The following SLC26A8 variants were observed in gnomAD, a reference collection of about 807,000 sequenced individuals.
SLC26A8 encodes the protein testis anion transporter 1.
In SLC26A8, 70 loss-of-function variants were observed where a neutral mutation model predicts 105.0. The ratio of observed to expected loss-of-function variants is 0.67; its 90% CI spans 0.55 to 0.81. SLC26A8 has a LOEUF of 0.81. Among genes scored for constraint, SLC26A8 ranks in the 40% least tolerant of loss-of-function variants. The pLI is 0.00. For synonymous variants in SLC26A8, 415 were observed against 438.3 expected, an observed-to-expected ratio of 0.95 and a Z score of 0.66; for missense variants, 998 against 1,181.8, an observed-to-expected ratio of 0.84 and a Z score of 2.28.
intron 5 of SLC26A8, among the ~76,000 whole-genome samples, chr6:35,994,550 A>T (rs1480142106): frequency 7.0e-6 from 1 of 142,802 alleles, no homozygotes; most frequent in Non-Finnish European, 1.5e-5. Flanking sequence ...TCTTTTTTCC[A>T]TCTCTGCCAA....
At chr6:35,944,374 T>C in intron 19 of SLC26A8, 34 bp from the exon 20 acceptor site, 1 of 1,486,866 alleles carries the variant, frequency 6.7e-7, no homozygotes, top group Non-Finnish European at 9.3e-7. Flanking sequence ...AAATTTCTAA[T>C]TAAATTTAAC....
chr6:36,017,001 G>A lies in SLC26A8; in HGVS notation c.188+2519C>T, dbSNP rs1056793681. Among the ~76,000 whole-genome samples, 5 of 151,958 alleles carry A rather than the reference G, an allele frequency of 3.3e-5. No homozygotes were observed. In the South Asian group the frequency reaches 1.0e-3, roughly 32 times the overall value. On this transcript the variant is annotated intron_variant, in intron 2 of 19. Coordinates refer to ENST00000490799, the MANE Select transcript of SLC26A8 (RefSeq NM_052961.4). ...AGCCTGACCAATTTGATGAAACCCC[G>A]TCTCTACTAAAAATGCAAAAATTAG...
At chr6:36,011,592 A>T (rs145467525) in intron 3 of SLC26A8, among the ~76,000 whole-genome samples, 9 of 152,198 alleles carry the variant, frequency 5.9e-5, no homozygotes, top group African/African-American at 2.2e-4. Context: ...CTGGCATGCT[A>T]TGTTTCCTAT....
chr6:35,961,304 C>T (rs748600525), intron 12 of SLC26A8, among the ~76,000 whole-genome samples: 3 of 152,090 alleles, frequency 2.0e-5, no homozygotes, highest in Non-Finnish European at 2.9e-5. Context: ...CATCCCTGGT[C>T]GCCTCTGTCT....
intron 17 of SLC26A8, 122 bp from the exon 18 acceptor site, chr6:35,951,621 C>T (rs1285647475): frequency 7.2e-6 from 7 of 978,046 alleles, no homozygotes; most frequent in South Asian, 1.4e-5. Flanking sequence ...ACTCTGTCAC[C>T]CAGATGGAGT....
At chr6:35,956,622 T>C (rs1772072288) in intron 16 of SLC26A8, among the ~76,000 whole-genome samples, 3 of 151,738 alleles carry the variant, frequency 2.0e-5, no homozygotes, top group Admixed American at 1.3e-4. Flanking sequence ...CACACGTTCA[T>C]TGAAGGGATA....
chr6:35,985,225 A>G (rs1773448146), intron 7 of SLC26A8, among the ~76,000 whole-genome samples: 1 of 152,142 alleles, frequency 6.6e-6, no homozygotes, highest in South Asian at 2.1e-4. Context: ...TCCCTAATGT[A>G]TAAAAGCAAG....
intron 7 of SLC26A8, among the ~76,000 whole-genome samples, chr6:35,987,623 G>A (rs955632157): frequency 1.3e-5 from 2 of 151,950 alleles, no homozygotes; most frequent in Admixed American, 6.6e-5. Context: ...CACCTGTCTC[G>A]GCCTCCCAAA....
chr6:35,967,871 T>A (rs561467176), intron 11 of SLC26A8, among the ~76,000 whole-genome samples: 3 of 152,310 alleles, frequency 2.0e-5, no homozygotes, highest in African/African-American at 7.2e-5. Context: ...TTATTTATTT[T>A]TTGAAACAGT....
chr6:35,955,452 G>T lies in SLC26A8; in HGVS notation c.1932C>A (p.Cys644Ter), dbSNP rs1265295988. ...PEASSINLIH[C>*]SHFESMNTSQ... Reference sequence around the variant, plus strand: ...TTGTGTTCATGCTCTCAAAATGTGAGCAGTGAATCAGGTTAATGGAGGATG... The same window carrying T: ...TTGTGTTCATGCTCTCAAAATGTGATCAGTGAATCAGGTTAATGGAGGATG... Residue 644 changes from cysteine to a stop codon, truncating the protein, a stop_gained, in exon 17 of 20, where the codon TGC becomes TGA. Transcript: ENST00000490799. LOFTEE classifies it high-confidence loss of function. 1 of 1,614,046 alleles carries T rather than the reference G, an allele frequency of 6.2e-7. No homozygotes were observed. The highest frequency in any genetic ancestry group is 1.7e-5 in the Admixed American group (1 of 59,998).
chr6:35,945,158 T>C (rs1021287721), intron 19 of SLC26A8, among the ~76,000 whole-genome samples: 2 of 152,192 alleles, frequency 1.3e-5, no homozygotes, highest in African/African-American at 4.8e-5. Context: ...CCTTTATTTA[T>C]TTTTCATTAA....
chr6:35,990,205 G>A, intron 7 of SLC26A8: 1 of 163,188 alleles, frequency 6.1e-6, no homozygotes, highest in Non-Finnish European at 1.3e-5. Context: ...CTAAAGTGCT[G>A]GGATTACAGG....
chr6:35,997,421 G>C (rs542140199), intron 5 of SLC26A8, among the ~76,000 whole-genome samples: 1 of 152,242 alleles, frequency 6.6e-6, no homozygotes, highest in South Asian at 2.1e-4. Flanking sequence ...GTCTTCTTTT[G>C]CAACTGGTCC....
intron 11 of SLC26A8, among the ~76,000 whole-genome samples, chr6:35,965,404 C>A (rs1264766887): frequency 6.6e-6 from 1 of 151,986 alleles, no homozygotes; most frequent in Non-Finnish European, 1.5e-5. Context: ...CCTGGCTGGG[C>A]GTGGTGGCTC....
rs956133072 is a variant in SLC26A8, at chr6:35,977,290, A to G, written c.1087T>C (p.Ser363Pro). 58 of 1,613,992 alleles carry G rather than the reference A, an allele frequency of 3.6e-5. No homozygotes were observed. The highest frequency in any genetic ancestry group is 4.5e-5 in the Non-Finnish European group (53 of 1,180,000). ...LLPKIILQAF[S>P]LSLVSSFLLI... ...AGAAAGGAGCTCACCAAAGATAAGG[A>G]GAAGGCTTGTAAAATTATCTTGGGA... The change falls in exon 9 of 20, where the codon TCC becomes CCC. Residue 363 changes from serine (S) to proline (P), a missense_variant. Ser to Pro is a moderately conservative substitution (Grantham distance 74). Coordinates refer to ENST00000490799, the MANE Select transcript of SLC26A8 (RefSeq NM_052961.4).
intron 3 of SLC26A8, among the ~76,000 whole-genome samples, chr6:36,005,449 C>T (rs1761659107): frequency 6.6e-6 from 1 of 151,904 alleles, no homozygotes; most frequent in African/African-American, 2.4e-5. Flanking sequence ...TAATTTTTAC[C>T]TGTCTTTCAT....
chr6:35,949,819 T>C (rs1168524984), intron 19 of SLC26A8, among the ~76,000 whole-genome samples: 1 of 149,870 alleles, frequency 6.7e-6, no homozygotes, highest in East Asian at 1.9e-4. Flanking sequence ...GTTTTTTTGT[T>C]TTTTTTTTTA....
intron 17 of SLC26A8, among the ~76,000 whole-genome samples, chr6:35,954,012 C>T (rs1282332428): frequency 6.6e-6 from 1 of 152,154 alleles, no homozygotes; most frequent in Non-Finnish European, 1.5e-5. Context: ...TCAAAAGAAG[C>T]ACTCAAACAC....
intron 3 of SLC26A8, among the ~76,000 whole-genome samples, chr6:36,004,180 A>G (rs1761615170): frequency 6.6e-6 from 1 of 151,240 alleles, no homozygotes; most frequent in African/African-American, 2.4e-5. Context: ...GGCTCAGGGA[A>G]TCGTCCCACT....
Sources: gnomAD v4.1 joint callset for allele counts (sites outside exome capture counted in the v4.1 genomes callset) on GRCh38, gnomAD v4.1.1 for gene constraint, MANE v1.5 for transcripts, NCBI Gene and HGNC (gene_info 2026-07-23, HGNC 2026-07-21) for gene names.